HPSE2: variants seen among roughly 807,000 people sequenced by gnomAD.
HPSE2 encodes heparanase 2 (inactive).
A neutral mutation model predicts 60.5 loss-of-function variants in HPSE2; 38 were observed. That is an observed-to-expected ratio of 0.63 (90% CI 0.48 to 0.82). HPSE2 has a LOEUF of 0.82. Ranked by LOEUF, HPSE2 falls within the 40% of genes least tolerant of loss-of-function variation. The pLI, the probability that HPSE2 is intolerant of heterozygous loss-of-function variation, is 0.00. For missense variants in HPSE2, 713 were observed against 740.4 expected (o/e 0.96, Z 0.43); for synonymous variants, 295 against 293.2 (o/e 1.01, Z -0.06).
chr10:98,575,342 A>G (rs964938890), intron 9 of HPSE2, among the ~76,000 whole-genome samples: 2 of 152,190 alleles, frequency 1.3e-5, no homozygotes, highest in Non-Finnish European at 2.9e-5. Flanking sequence ...GGCCGTGATG[A>G]TAAATGATGG....
At chr10:98,976,924 T>C (rs904393635) in intron 3 of HPSE2, among the ~76,000 whole-genome samples, 2 of 152,040 alleles carry the variant, frequency 1.3e-5, no homozygotes, top group Non-Finnish European at 2.9e-5. Flanking sequence ...GGAAAAGAGA[T>C]AGAAGAAGAG....
At chr10:99,100,367 C>T (rs913578098) in intron 3 of HPSE2, among the ~76,000 whole-genome samples, 16 of 152,046 alleles carry the variant, frequency 1.1e-4, no homozygotes, top group Admixed American at 6.6e-4. Flanking sequence ...GTACCCAACT[C>T]GATCAACTGG....
chr10:99,131,244 G>C (rs1370626950), intron 3 of HPSE2, among the ~76,000 whole-genome samples: 1 of 152,108 alleles, frequency 6.6e-6, no homozygotes, highest in Non-Finnish European at 1.5e-5. Context: ...ATACTGAACA[G>C]GGAAAACACA....
chr10:98,654,498 A>G (rs747585384), intron 6 of HPSE2, among the ~76,000 whole-genome samples: 1 of 152,202 alleles, frequency 6.6e-6, no homozygotes, highest in Non-Finnish European at 1.5e-5. Context: ...CATCAGCTGT[A>G]TCCAGTCTAC....
At chr10:99,044,661 C>T (rs1483824695) in intron 3 of HPSE2, among the ~76,000 whole-genome samples, 1 of 148,464 alleles carries the variant, frequency 6.7e-6, no homozygotes, top group Non-Finnish European at 1.5e-5. Flanking sequence ...GATGGAGAAA[C>T]ATTTACCATG....
At chr10:99,095,808 A>G (rs1843699760) in intron 3 of HPSE2, among the ~76,000 whole-genome samples, 1 of 152,228 alleles carries the variant, frequency 6.6e-6, no homozygotes, top group African/African-American at 2.4e-5. Flanking sequence ...TCTACTTTTT[A>G]GCAATTATGA....
chr10:99,247,817 T>A, the HPSE2 span, among the ~76,000 whole-genome samples: 1 of 152,168 alleles, frequency 6.6e-6, no homozygotes, highest in East Asian at 1.9e-4. Context: ...CCTTTTCTGT[T>A]CTCATGACAC....
intron 9 of HPSE2, among the ~76,000 whole-genome samples, chr10:98,540,183 G>T (rs1401874742): frequency 6.6e-6 from 1 of 152,216 alleles, no homozygotes; most frequent in Non-Finnish European, 1.5e-5. Flanking sequence ...AATAATTTTT[G>T]TTGAATAAAT....
chr10:99,061,236 T>C (rs1316397977), intron 3 of HPSE2, among the ~76,000 whole-genome samples: 1 of 152,074 alleles, frequency 6.6e-6, no homozygotes, highest in Non-Finnish European at 1.5e-5. Context: ...AGGTGGTGCA[T>C]CAGATCTAGG....
intron 3 of HPSE2, among the ~76,000 whole-genome samples, chr10:99,112,981 A>G (rs1226071435): frequency 6.6e-6 from 1 of 152,012 alleles, no homozygotes; most frequent in Non-Finnish European, 1.5e-5. Flanking sequence ...ATGCATGGAA[A>G]ATTTTAGTTC....
In HPSE2 at chr10:99,232,466, G is replaced by A. The variant is rs993031555; in HGVS notation, c.330C>T (p.Pro110=). 8.3e-6 allele frequency: 13 copies of A among 1,557,810 alleles called. No individual in the cohort carries two copies. The East Asian group carries it at 2.6e-4, about 32-fold the overall frequency. ...TTTTGCCCCCGAAGCGCAGAAAGGC[G>A]GGCGAAAGTCCCCGGGCCAGGGTCA... ...RLVTLARGLS[P]AFLRFGGKRT... The change falls in exon 2 of 12, where the codon CCC becomes CCT. Residue 110 remains proline, a synonymous_variant. Coordinates refer to ENST00000370552, the MANE Select transcript of HPSE2 (RefSeq NM_021828.5).
intron 9 of HPSE2, among the ~76,000 whole-genome samples, chr10:98,584,891 C>T (rs895246510): frequency 3.3e-5 from 5 of 152,190 alleles, no homozygotes; most frequent in Admixed American, 6.5e-5. Flanking sequence ...TGTCTTGCCT[C>T]CCTACCTGGA....
At chr10:98,515,732 TAA>T (rs1942581067) in intron 9 of HPSE2, among the ~76,000 whole-genome samples, 1 of 152,240 alleles carries the variant, frequency 6.6e-6, no homozygotes, top group African/African-American at 2.4e-5. Context: ...TTTCATTTTT[TAA>T]GATATATACA....
chr10:98,511,243 C>T (rs1942383316), intron 9 of HPSE2, among the ~76,000 whole-genome samples: 1 of 151,918 alleles, frequency 6.6e-6, no homozygotes, highest in Non-Finnish European at 1.5e-5. Context: ...CTCTGCCTCC[C>T]AGATTCAAGC....
intron 9 of HPSE2, among the ~76,000 whole-genome samples, chr10:98,600,803 C>CAT (rs10682908): frequency 0.5 from 56,521 of 111,996 alleles, 11,617 homozygotes; most frequent in East Asian, 0.64. Context: ...TATATATACA[C>CAT]GTGTGTGCGT....
chr10:98,526,178 A>AT (rs1942961487), intron 9 of HPSE2, among the ~76,000 whole-genome samples: 1 of 152,202 alleles, frequency 6.6e-6, no homozygotes, highest in Non-Finnish European at 1.5e-5. Flanking sequence ...GTGTGGGCGG[A>AT]AGGTATAGAA....
intron 5 of HPSE2, among the ~76,000 whole-genome samples, chr10:98,694,815 G>C (rs1362331561): frequency 6.6e-6 from 1 of 152,170 alleles, no homozygotes; most frequent in African/African-American, 2.4e-5. Flanking sequence ...CTAGTTGAGG[G>C]AGTCATTACC....
intron 2 of HPSE2, among the ~76,000 whole-genome samples, chr10:99,186,946 C>A (rs1198285631): frequency 6.6e-6 from 1 of 151,886 alleles, no homozygotes; most frequent in African/African-American, 2.4e-5. Flanking sequence ...CCATGCCCAG[C>A]TAGTTTTTTG....
At chr10:98,656,339 C>A (rs888048774) in intron 6 of HPSE2, among the ~76,000 whole-genome samples, 18 of 152,164 alleles carry the variant, frequency 1.2e-4, no homozygotes, top group Non-Finnish European at 2.2e-4. Flanking sequence ...CTTGCCTCAG[C>A]CTCCCAAAGT....
Sources: allele counts gnomAD v4.1 joint callset (sites outside exome capture counted in the v4.1 genomes callset), GRCh38; gene constraint gnomAD v4.1.1; transcripts MANE v1.5; gene names NCBI Gene and HGNC (gene_info 2026-07-23, HGNC 2026-07-21).